Variants in SURF4 observed in about 807,000 individuals in gnomAD.
SURF4 encodes surfeit locus protein 4.
In SURF4, 3 loss-of-function variants were observed where a neutral mutation model predicts 30.0. That is an observed-to-expected ratio of 0.10 (90% CI 0.05 to 0.26). The LOEUF (loss-of-function observed/expected upper bound fraction) is 0.26, where lower values mean the gene tolerates loss of function less well. Ranked by LOEUF, SURF4 falls within the 10% of genes least tolerant of loss-of-function variation. SURF4 has a pLI of 1.00. For missense variants in SURF4, 217 were observed against 350.8 expected (o/e 0.62, Z 3.05); for synonymous variants, 143 against 139.9 (o/e 1.02, Z -0.16).
Position 133,363,459 on chromosome 9 carries a change from G to A in SURF4, c.*34C>T, listed in dbSNP as rs2130086596. 90 of 1,614,214 alleles carry A rather than the reference G, an allele frequency of 5.6e-5. 1 individual carries two copies. In the East Asian group the frequency reaches 6.5e-4, roughly 12 times the overall value. ...CCCCGAACCAGTCCTTGACGGCCAC[G>A]GGTCTTAGCCAGGCAGGTAGGGATC... On this transcript the variant is annotated 3_prime_UTR_variant, in exon 6 of 6. Transcript: ENST00000371989. This position sits in a 1 kb window ranked among gnomAD's most constrained non-coding sequence, Gnocchi z 4.3.
chr9:133,366,013 T>C lies in SURF4; in HGVS notation c.328A>G (p.Ile110Val). The change falls in exon 4 of 6, where the codon ATT becomes GTT. Residue 110 changes from isoleucine (I) to valine (V), a missense_variant. Physicochemically the swap from Ile to Val is conservative, Grantham distance 29. Coordinates refer to ENST00000371989, the MANE Select transcript of SURF4 (RefSeq NM_033161.4). ...ATCAAAAACTTCAAGTCCCATAAAA[T>C]GCTGTAGGCAATCGTCTGAGGGGAA... is the stretch of plus-strand genomic sequence containing the variant. ...IIALQTIAYS[I>V]LWDLKFLMRN... 6.2e-7 allele frequency: 1 copy of C among 1,614,078 alleles called. No homozygotes were observed.
chr9:133,369,250 C>A (rs2130167763), intron 1 of SURF4, among the ~76,000 whole-genome samples: 1 of 152,290 alleles, frequency 6.6e-6, no homozygotes, highest in Admixed American at 6.5e-5. Context: ...TTTGACTCCA[C>A]GGAAGTGATG....
chr9:133,369,905 G>A (rs2130173975), intron 1 of SURF4, among the ~76,000 whole-genome samples: 3 of 152,364 alleles, frequency 2.0e-5, no homozygotes, highest in African/African-American at 7.2e-5. Flanking sequence ...CCTCTGAGAT[G>A]AGACGGAGCC....
In SURF4 at chr9:133,363,887, C is replaced by A. The variant is rs2130095556; in HGVS notation, c.544-128G>T. 3.3e-6 allele frequency: 4 copies of A among 1,206,212 alleles called. No homozygotes were observed. Among genetic ancestry groups the A allele is most frequent in the African/African-American group, 3.0e-5 (2 of 66,226 alleles). 74.7% of individuals were successfully genotyped at this position (1,206,212 alleles called of 1,614,324 possible). A position where few individuals can be genotyped will look rare whatever the true frequency, so the allele number is the denominator to read the frequency against. On this transcript the variant is annotated intron_variant, in intron 5 of 5. Coordinates refer to ENST00000371989, the MANE Select transcript of SURF4 (RefSeq NM_033161.4). The surrounding 1 kb of genome is among the most constrained non-coding windows in gnomAD (Gnocchi z 4.3). ...CAGGCTGATGTAGCTACTGCTGAGA[C>A]GGCTGCTGGTGCAAGTAGGGAGATA...
chr9:133,361,963 A>G lies in SURF4; in HGVS notation c.*1530T>C, dbSNP rs1588701405. 1 of 148,940 alleles carries G rather than the reference A, an allele frequency of 6.7e-6. No homozygotes were observed. Among genetic ancestry groups the G allele is most frequent in the African/African-American group, 2.6e-5 (1 of 38,362 alleles). 9.2% of individuals were successfully genotyped at this position (148,940 alleles called of 1,614,324 possible). On this transcript the variant is annotated 3_prime_UTR_variant, in exon 6 of 6. Coordinates refer to ENST00000371989, the MANE Select transcript of SURF4 (RefSeq NM_033161.4). ...TGAGCACTTGAATGATCACAGGAGA[A>G]GAGAACCCATGTCCTGAAGCCATTG...
chr9:133,372,598 T>G, intron 1 of SURF4: 1 of 985,462 alleles, frequency 1.0e-6, no homozygotes, highest in Non-Finnish European at 1.2e-6. Context: ...AGGTCTTGCT[T>G]TCAGCAGCCC....
At chr9:133,375,766 G>C (rs1351658546) in intron 1 of SURF4, among the ~76,000 whole-genome samples, 156 bp downstream of exon 1, 1 of 152,034 alleles carries the variant, frequency 6.6e-6, no homozygotes, top group African/African-American at 2.4e-5. Flanking sequence ...GGGCTGTCCA[G>C]CCGGGACAGA....
At position 133,366,664 on chromosome 9, in the gene SURF4, G is replaced by C; in HGVS notation, c.247C>G (p.Leu83Val). Reference sequence around the variant, plus strand: ...TGCACGAAGTTCCTGCTCAACACCAGGACGCAGCCAGCTGGAGAGAAGGAC... The same window carrying C: ...TGCACGAAGTTCCTGCTCAACACCACGACGCAGCCAGCTGGAGAGAAGGAC... The part of the protein sequence containing the change: ...NLLGQLTGCV[L>V]VLSRNFVQYA... The change falls in exon 3 of 6, where the codon CTG (leucine) becomes GTG (valine). Residue 83 changes from leucine (L) to valine (V), a missense_variant. By Grantham distance (32) the Leu-to-Val change is conservative. Transcript: ENST00000371989. The C allele has an allele frequency of 6.2e-7, 1 of 1,613,780 alleles. No individual in the cohort carries two copies. Among genetic ancestry groups the C allele is most frequent in the African/African-American group, 1.3e-5 (1 of 75,048 alleles).
intron 1 of SURF4, chr9:133,367,688 G>A (rs2130148492): frequency 0.07 from 79,815 of 1,140,922 alleles, 3,288 homozygotes; most frequent in Non-Finnish European, 0.082. Context: ...ATGACTTGAC[G>A]TTAGGCCCTC....
At chr9:133,376,362 G>T, upstream of SURF4, 1 of 1,385,956 alleles carries the variant, frequency 7.2e-7, no homozygotes. Flanking sequence ...CGGGAGGGAC[G>T]CCTGAGTGCC....
intron 1 of SURF4, chr9:133,370,762 G>T: frequency 1.3e-6 from 1 of 768,782 alleles, no homozygotes; most frequent in Non-Finnish European, 1.9e-6. Context: ...TAAACACGGC[G>T]AGCACATAAA....
At position 133,375,978 on chromosome 9, in the gene SURF4, C is replaced by A. The variant is rs2130243727; in HGVS notation, c.-9G>T. ...AGGTCGTTCTGGCCCATGGCGACGG[C>A]GGGAGGCTCGGCTCGGCTCGCTCGC... is the stretch of plus-strand genomic sequence containing the variant. On this transcript the variant is annotated 5_prime_UTR_variant, in exon 1 of 6. Transcript: ENST00000371989. 2.6e-4 allele frequency: 325 copies of A among 1,227,856 alleles called. 1 individual carries two copies. Among genetic ancestry groups the A allele is most frequent in the Non-Finnish European group, 2.7e-4 (268 of 981,820 alleles). The allele number at this position is 1,227,856 out of a possible 1,614,324, so 76.1% of individuals were successfully genotyped here.
Position 133,363,403 on chromosome 9 carries a change from T to A in SURF4, c.*90A>T, listed in dbSNP as rs1184014640. ...ACCAAGGGAGGGGAAGGGAAGAGGA[T>A]ACATAAAAGCTGGCAGTTTTGTTGA... On this transcript the variant is annotated 3_prime_UTR_variant, in exon 6 of 6. Transcript: ENST00000371989. The surrounding 1 kb of genome is among the most constrained non-coding windows in gnomAD (Gnocchi z 4.3). 1.4e-5 allele frequency: 22 copies of A among 1,599,102 alleles called. No homozygotes were observed. The highest frequency in any genetic ancestry group is 1.9e-5 in the Non-Finnish European group (22 of 1,168,012).
rs142852031 is a variant in SURF4, at chr9:133,375,993, G to GGCTCGCTC, written c.-32_-25dup. On this transcript the variant is annotated 5_prime_UTR_variant, in exon 1 of 6. Transcript: ENST00000371989. ...ATGGCGACGGCGGGAGGCTCGGCTCGGCTCGCTCGCTCGCTCGCTGGCTCT... is the reference window on the plus strand; with the variant it reads ...ATGGCGACGGCGGGAGGCTCGGCTCGGCTCGCTCGCTCGCTCGCTCGCTCGCTGGCTCT... 11 of 1,223,834 alleles carry GGCTCGCTC rather than the reference G, an allele frequency of 9.0e-6. No homozygotes were observed. The highest frequency in any genetic ancestry group is 2.9e-4 in the Middle Eastern group (1 of 3,444). The allele number at this position is 1,223,834 out of a possible 1,614,324, so 75.8% of individuals were successfully genotyped here.
At position 133,366,667 on chromosome 9, in the gene SURF4, C is replaced by G. The variant is rs2130130648; in HGVS notation, c.244G>C (p.Val82Leu). Reference protein sequence around the residue: ...LNLLGQLTGCVLVLSRNFVQY... With the variant: ...LNLLGQLTGCLLVLSRNFVQY... The stretch of plus-strand genomic sequence containing the variant: ...ACGAAGTTCCTGCTCAACACCAGGA[C>G]GCAGCCAGCTGGAGAGAAGGACAAG... Residue 82 changes from valine (V) to leucine (L), a missense_variant, in exon 3 of 6, where the codon GTC (valine) becomes CTC (leucine). By Grantham distance (32) the Val-to-Leu change is conservative. Coordinates refer to ENST00000371989, the MANE Select transcript of SURF4 (RefSeq NM_033161.4). 3 of 1,613,700 alleles carry G rather than the reference C, an allele frequency of 1.9e-6. No homozygotes were observed. In the South Asian group the frequency reaches 3.3e-5, roughly 18 times the overall value.
At chr9:133,376,372 C>T (rs2130247049), upstream of SURF4, 5 of 1,411,242 alleles carry the variant, frequency 3.5e-6, no homozygotes, top group Non-Finnish European at 4.7e-6. Flanking sequence ...GCCTGAGTGC[C>T]TCGAGGGCGC....
At position 133,363,808 on chromosome 9, in the gene SURF4, G is replaced by C. The variant is rs2130093548; in HGVS notation, c.544-49C>G. The C allele has an allele frequency of 6.2e-7, 1 of 1,609,764 alleles. No individual in the cohort carries two copies. The highest frequency in any genetic ancestry group is 2.2e-5 in the East Asian group (1 of 44,856). ...ATTCAAAATAAATGTGAGGAAAAGA[G>C]ATGCTTTATAAACAAAAGTTCCAGC... On this transcript the variant is annotated intron_variant, in intron 5 of 5. Coordinates refer to ENST00000371989, the MANE Select transcript of SURF4 (RefSeq NM_033161.4). This position sits in a 1 kb window ranked among gnomAD's most constrained non-coding sequence, Gnocchi z 4.3.
At chr9:133,368,220 C>T (rs2130155433) in intron 1 of SURF4, among the ~76,000 whole-genome samples, 1 of 152,366 alleles carries the variant, frequency 6.6e-6, no homozygotes, top group East Asian at 1.9e-4. Context: ...CCCAGTGACG[C>T]CCAGAGTACC....
Position 133,365,981 on chromosome 9 carries a change from A to C in SURF4, c.356+4T>G, listed in dbSNP as rs201428163. ...TATACTAAAACCAACCAGAATGCAC[A>C]TACCTCATCAAAAACTTCAAGTCCC... On this transcript the variant is annotated splice_donor_region_variant and intron_variant, in intron 4 of 5. Coordinates refer to ENST00000371989, the MANE Select transcript of SURF4 (RefSeq NM_033161.4). 2 of 1,614,006 alleles carry C rather than the reference A, an allele frequency of 1.2e-6. No homozygotes were observed. The highest frequency in any genetic ancestry group is 1.7e-5 in the Admixed American group (1 of 60,020).
Sources: gnomAD v4.1 joint callset for allele counts (sites outside exome capture counted in the v4.1 genomes callset) on GRCh38, gnomAD v4.1.1 for gene constraint, Gnocchi (gnomAD v3.1) non-coding constraint, MANE v1.5 for transcripts, NCBI Gene and HGNC (gene_info 2026-07-23, HGNC 2026-07-21) for gene names.